Variants in KAZN observed in about 807,000 individuals in gnomAD.
KAZN encodes the protein kazrin.
Under a neutral mutation model 87.4 loss-of-function variants are expected in KAZN, and 40 were observed. That is an observed-to-expected ratio of 0.46 (90% CI 0.36 to 0.60). The LOEUF (loss-of-function observed/expected upper bound fraction) is 0.60. Among genes scored for constraint, KAZN ranks in the 20% least tolerant of loss-of-function variants. The pLI, the probability that KAZN is intolerant of heterozygous loss-of-function variation, is 0.00. For missense variants in KAZN, 898 were observed against 1,073.9 expected (o/e 0.84, Z 2.29); for synonymous variants, 466 against 458.3 (o/e 1.02, Z -0.22).
chr1:14,585,664 C>G (rs1376077325), intron 2 of KAZN, among the ~76,000 whole-genome samples: 1 of 151,998 alleles, frequency 6.6e-6, no homozygotes, highest in African/African-American at 2.4e-5. Flanking sequence ...CTTCAAGTAA[C>G]GAGGCAAAAG....
intron 1 of KAZN, among the ~76,000 whole-genome samples, chr1:14,615,805 G>A (rs1678193087): frequency 6.6e-6 from 1 of 152,176 alleles, no homozygotes; most frequent in Admixed American, 6.5e-5. Context: ...CAAAATGAGG[G>A]CATTTGGCAT....
chr1:14,563,308 A>C (rs896127066), intron 2 of KAZN, among the ~76,000 whole-genome samples: 45 of 152,218 alleles, frequency 3.0e-4, no homozygotes, highest in African/African-American at 1.1e-3. Flanking sequence ...CTTGTTAAAA[A>C]TGAAGATTCC....
At chr1:13,980,196 ATACTT>A (rs1303203250) in intron 1 of KAZN, among the ~76,000 whole-genome samples, 3 of 152,300 alleles carry the variant, frequency 2.0e-5, no homozygotes, top group African/African-American at 7.2e-5. Flanking sequence ...ATAATAAAAA[ATACTT>A]TAGTAATTCA....
rs1415585733 is a variant in KAZN, at chr1:14,773,799, C to T, written c.226+174576C>T. ...AACTCAGCCTTCCTGGGAGCTGCGG[C>T]AGGTCCCAGCCCAGGCCAGGCCTGC... On this transcript the variant is annotated intron_variant, in intron 1 of 14. Coordinates refer to ENST00000376030, the MANE Select transcript of KAZN (RefSeq NM_201628.3). The surrounding 1 kb of genome is among the most constrained non-coding windows in gnomAD (Gnocchi z 5.9). Among the ~76,000 whole-genome samples, 1 of 152,204 alleles carries T rather than the reference C, an allele frequency of 6.6e-6. No individual in the cohort carries two copies. Among genetic ancestry groups the T allele is most frequent in the Non-Finnish European group, 1.5e-5 (1 of 68,040 alleles).
intron 1 of KAZN, among the ~76,000 whole-genome samples, chr1:14,955,359 G>T (rs1038652274): frequency 2.6e-5 from 4 of 152,226 alleles, no homozygotes; most frequent in Non-Finnish European, 5.9e-5. Flanking sequence ...AGGGAGAAGT[G>T]CCTGCTGGTG....
At chr1:14,399,884 G>C (rs1238898135) in intron 2 of KAZN, among the ~76,000 whole-genome samples, 1 of 152,146 alleles carries the variant, frequency 6.6e-6, no homozygotes, top group African/African-American at 2.4e-5. Context: ...TGAACTCCTT[G>C]AAGATGGCAT....
At chr1:14,239,525 A>G (rs1342393224) in intron 2 of KAZN, among the ~76,000 whole-genome samples, 1 of 143,836 alleles carries the variant, frequency 7.0e-6, no homozygotes. Flanking sequence ...CAATGGCGCA[A>G]TCTCGGCTCA....
At chr1:14,580,536 C>T (rs1675482821) in intron 2 of KAZN, among the ~76,000 whole-genome samples, 2 of 151,804 alleles carry the variant, frequency 1.3e-5, no homozygotes, top group East Asian at 1.9e-4. Flanking sequence ...AATAGCGCAG[C>T]CATGTGTAAT....
chr1:14,633,224 A>C (rs1679709798), intron 1 of KAZN, among the ~76,000 whole-genome samples: 1 of 152,066 alleles, frequency 6.6e-6, no homozygotes, highest in South Asian at 2.1e-4. Context: ...GCCAAAATGC[A>C]CTTAATATTG....
intron 8 of KAZN, among the ~76,000 whole-genome samples, chr1:15,088,288 C>T (rs1267765383): frequency 6.6e-6 from 1 of 152,170 alleles, no homozygotes; most frequent in Non-Finnish European, 1.5e-5. Context: ...CTGCTGACCT[C>T]TATGCTGGGC....
intron 1 of KAZN, among the ~76,000 whole-genome samples, chr1:14,863,466 G>T (rs916251673): frequency 6.6e-6 from 1 of 152,182 alleles, no homozygotes; most frequent in Admixed American, 6.5e-5. Flanking sequence ...TGGAGAGAGG[G>T]CCCAGCCAAT....
intron 1 of KAZN, among the ~76,000 whole-genome samples, chr1:14,067,502 T>C (rs1643054786): frequency 6.6e-6 from 1 of 152,190 alleles, no homozygotes; most frequent in Admixed American, 6.5e-5. Flanking sequence ...TTATCTGTGT[T>C]TGTGACCCCT....
chr1:14,539,083 C>G (rs541967641), intron 2 of KAZN, among the ~76,000 whole-genome samples: 1 of 152,320 alleles, frequency 6.6e-6, no homozygotes, highest in Non-Finnish European at 1.5e-5. Flanking sequence ...TGGCTTAAAG[C>G]ATTAAGTCCC....
At chr1:14,316,777 G>T (rs2100827156) in intron 2 of KAZN, among the ~76,000 whole-genome samples, 1 of 151,350 alleles carries the variant, frequency 6.6e-6, no homozygotes, top group East Asian at 1.9e-4. Flanking sequence ...CACATGATTT[G>T]TTTTTTTGCC....
chr1:14,689,775 G>A (rs1472256587), intron 1 of KAZN, among the ~76,000 whole-genome samples: 1 of 152,268 alleles, frequency 6.6e-6, no homozygotes, highest in African/African-American at 2.4e-5. Context: ...TGGCAGGGAT[G>A]TGTTCATCTT....
chr1:14,641,838 ACTT>A lies in KAZN; in HGVS notation c.226+42621_226+42623del, dbSNP rs1680429660. ...AAATTGGACTTCATCAAAATTAAAA[ACTT>A]CTTCTCTGCAAGAAACACTGGTAAG... On this transcript the variant is annotated intron_variant, in intron 1 of 14. Transcript: ENST00000376030. 3.3e-5 allele frequency among the ~76,000 whole-genome samples: 5 copies of A among 152,216 alleles called. 1 individual carries two copies. In the South Asian group the frequency reaches 6.2e-4, roughly 19 times the overall value.
chr1:14,712,504 C>CT (rs1451008732), intron 1 of KAZN, among the ~76,000 whole-genome samples: 3 of 152,190 alleles, frequency 2.0e-5, no homozygotes, highest in African/African-American at 7.2e-5. Flanking sequence ...AGCAGGAGTG[C>CT]TAACCCTATC....
chr1:14,458,054 C>T (rs1266712938), intron 2 of KAZN, among the ~76,000 whole-genome samples: 1 of 152,138 alleles, frequency 6.6e-6, no homozygotes, highest in African/African-American at 2.4e-5. Flanking sequence ...AATCTCCTAA[C>T]CTCATGATCC....
In KAZN at chr1:13,983,391, C is replaced by A. The variant is rs1317526207; in HGVS notation, c.91+89635C>A. Among the ~76,000 whole-genome samples the A allele has an allele frequency of 2.6e-5, 4 of 152,246 alleles. No homozygotes were observed. In the South Asian group the frequency reaches 6.2e-4, roughly 24 times the overall value. ...GCTGGGGGACCCAGTACACTCTCCGCAGCCATTGGCCCGGGTGCTAAGTCC... is the reference window on the plus strand; with the variant it reads ...GCTGGGGGACCCAGTACACTCTCCGAAGCCATTGGCCCGGGTGCTAAGTCC... On this transcript the variant is annotated intron_variant, in intron 1 of 16. Transcript: ENST00000636203.
Sources: allele counts gnomAD v4.1 joint callset (sites outside exome capture counted in the v4.1 genomes callset), GRCh38; gene constraint gnomAD v4.1.1; non-coding constraint Gnocchi (gnomAD v3.1); transcripts MANE v1.5; gene names NCBI Gene and HGNC (gene_info 2026-07-23, HGNC 2026-07-21).